The following DOCK3 variants were observed in gnomAD, a reference collection of about 807,000 sequenced individuals.
DOCK3 encodes dedicator of cytokinesis 3.
In DOCK3, 60 loss-of-function variants were observed where a neutral mutation model predicts 265.6. The observed-to-expected ratio is 0.23, with a 90% confidence interval of 0.18 to 0.28. DOCK3 has a LOEUF of 0.28. Among genes scored for constraint, DOCK3 ranks in the 10% least tolerant of loss-of-function variants. The probability of loss-of-function intolerance (pLI) is 1.00; values close to 1 mark genes in which losing one functional copy is unlikely to be tolerated. For synonymous variants in DOCK3, 881 were observed against 938.0 expected (o/e 0.94, Z 1.11); for missense variants, 1,981 against 2,594.3 (o/e 0.76, Z 5.14).
chr3:51,281,301 A>G (rs1282568869), intron 27 of DOCK3, among the ~76,000 whole-genome samples: 4 of 147,626 alleles, frequency 2.7e-5, no homozygotes, highest in Admixed American at 6.7e-5. Context: ...ATATATATAT[A>G]TATATCTCAT....
intron 9 of DOCK3, among the ~76,000 whole-genome samples, chr3:51,139,447 G>A (rs1301328259): frequency 6.6e-6 from 1 of 152,176 alleles, no homozygotes; most frequent in Non-Finnish European, 1.5e-5. Context: ...TCTGCATAGT[G>A]TGATGGTGAT....
chr3:50,778,153 A>G (rs1461016431), intron 1 of DOCK3, among the ~76,000 whole-genome samples: 2 of 152,230 alleles, frequency 1.3e-5, no homozygotes, highest in East Asian at 3.9e-4. Context: ...TAAAAAAGTT[A>G]CGGGATTTTG....
intron 9 of DOCK3, among the ~76,000 whole-genome samples, chr3:51,091,769 C>G (rs1004768131): frequency 1.3e-5 from 2 of 151,518 alleles, no homozygotes; most frequent in African/African-American, 2.4e-5. Flanking sequence ...AAGATTGATG[C>G]AGAAGGCGGG....
At chr3:50,776,392 G>A (rs1229265346) in intron 1 of DOCK3, among the ~76,000 whole-genome samples, 1 of 151,660 alleles carries the variant, frequency 6.6e-6, no homozygotes, top group Non-Finnish European at 1.5e-5. Context: ...CTTCTTTTGA[G>A]AATTGCCTAT....
chr3:51,146,198 A>G (rs1295067772), intron 9 of DOCK3, among the ~76,000 whole-genome samples: 2 of 152,236 alleles, frequency 1.3e-5, no homozygotes, highest in Admixed American at 6.5e-5. Flanking sequence ...CAAAGAATGT[A>G]TATGCTTGTT....
At chr3:50,883,700 A>G (rs1359003461) in intron 3 of DOCK3, among the ~76,000 whole-genome samples, 1 of 152,184 alleles carries the variant, frequency 6.6e-6, no homozygotes, top group Non-Finnish European at 1.5e-5. Flanking sequence ...ATTGAAAATT[A>G]TAGAAATTTG....
chr3:51,347,524 C>A (rs1011137648), intron 38 of DOCK3, among the ~76,000 whole-genome samples: 2 of 152,190 alleles, frequency 1.3e-5, no homozygotes, highest in African/African-American at 4.8e-5. Context: ...CGGTACCATG[C>A]TGTTTTGGTC....
chr3:51,076,943 A>T (rs2082076810), intron 7 of DOCK3, among the ~76,000 whole-genome samples: 1 of 152,174 alleles, frequency 6.6e-6, no homozygotes, highest in Admixed American at 6.6e-5. Flanking sequence ...CAAAAGTCAG[A>T]CCATGAAGAG....
chr3:51,208,006 G>T (rs1161082139), intron 12 of DOCK3, among the ~76,000 whole-genome samples: 2 of 152,134 alleles, frequency 1.3e-5, no homozygotes, highest in Admixed American at 1.3e-4. Flanking sequence ...TGTTCCAAAT[G>T]GTTACGTGGT....
intron 5 of DOCK3, among the ~76,000 whole-genome samples, chr3:50,941,265 G>T (rs907837216): frequency 2.6e-5 from 4 of 152,078 alleles, no homozygotes; most frequent in African/African-American, 9.7e-5. Context: ...CAAAATACTT[G>T]AATAGGGACA....
chr3:51,326,076 CA>C lies in DOCK3; in HGVS notation c.3403-4055del, dbSNP rs1560440192. On this transcript the variant is annotated intron_variant, in intron 32 of 52. Coordinates refer to ENST00000266037, the MANE Select transcript of DOCK3 (RefSeq NM_004947.5). ...TAAAGTATTAAAAAAAAAAAAAGGCCAAAAAAATGAAATTGTTGTGTATATT... is the reference window on the plus strand; with the variant it reads ...TAAAGTATTAAAAAAAAAAAAAGGCCAAAAAATGAAATTGTTGTGTATATT... Among the ~76,000 whole-genome samples the C allele has an allele frequency of 7.1e-4, 106 of 148,970 alleles. 1 individual carries two copies. In the Middle Eastern group the frequency reaches 0.017, roughly 25 times the overall value.
At chr3:51,375,300 G>A (rs1438645389) in intron 50 of DOCK3, among the ~76,000 whole-genome samples, 2 of 152,224 alleles carry the variant, frequency 1.3e-5, no homozygotes, top group East Asian at 3.8e-4. Context: ...AAAACAGCAA[G>A]TCCTGTCTGT....
chr3:50,990,081 A>G (rs1466438319), intron 5 of DOCK3, among the ~76,000 whole-genome samples: 1 of 152,204 alleles, frequency 6.6e-6, no homozygotes, highest in East Asian at 1.9e-4. Flanking sequence ...GTTCTCTGAA[A>G]TAAGACAGTC....
intron 27 of DOCK3, among the ~76,000 whole-genome samples, chr3:51,300,329 T>C (rs1249450194): frequency 3.3e-5 from 5 of 152,228 alleles, no homozygotes; most frequent in African/African-American, 4.8e-5. Context: ...TTTCTAGATA[T>C]AGAATCATGT....
chr3:51,321,489 G>C (rs2083724192), intron 32 of DOCK3, among the ~76,000 whole-genome samples: 1 of 152,162 alleles, frequency 6.6e-6, no homozygotes, highest in African/African-American at 2.4e-5. Flanking sequence ...TTGACGAATT[G>C]ACAGAAGTAG....
chr3:50,982,010 A>G (rs1424294299), intron 5 of DOCK3, among the ~76,000 whole-genome samples: 1 of 151,928 alleles, frequency 6.6e-6, no homozygotes, highest in African/African-American at 2.4e-5. Flanking sequence ...CACCATGCCC[A>G]GTTAATTTTT....
chr3:51,260,689 G>T (rs1028853216), intron 23 of DOCK3, among the ~76,000 whole-genome samples: 1 of 152,070 alleles, frequency 6.6e-6, no homozygotes, highest in African/African-American at 2.4e-5. Context: ...ATTAATCATT[G>T]TATTAATGAA....
Position 51,160,647 on chromosome 3 carries a change from C to T in DOCK3, c.982C>T (p.Leu328=), listed in dbSNP as rs1347230743. The part of the protein sequence containing the change: ...GCAVLSILDV[L]QSLTEVKEEK... ...TGCGGTCCTAAGCATCTTGGATGTC[C>T]TACAGTCACTCACAGAAGTAAAGGA... The change falls in exon 12 of 53, where the codon CTA becomes TTA. Residue 328 remains leucine (L), a synonymous_variant. Coordinates refer to ENST00000266037, the MANE Select transcript of DOCK3 (RefSeq NM_004947.5). 1.2e-6 allele frequency: 2 copies of T among 1,613,128 alleles called. No individual in the cohort carries two copies. Among genetic ancestry groups the T allele is most frequent in the East Asian group, 4.5e-5 (2 of 44,868 alleles).
intron 2 of DOCK3, among the ~76,000 whole-genome samples, chr3:50,817,913 C>T (rs950417985): frequency 6.6e-6 from 1 of 152,174 alleles, no homozygotes; most frequent in African/African-American, 2.4e-5. Flanking sequence ...TGCTTCAACC[C>T]CAGCCCAACT....
Sources: gnomAD v4.1 joint callset for allele counts (sites outside exome capture counted in the v4.1 genomes callset) on GRCh38, gnomAD v4.1.1 for gene constraint, MANE v1.5 for transcripts, NCBI Gene and HGNC (gene_info 2026-07-23, HGNC 2026-07-21) for gene names.